The following IFNLR1 variants were observed in gnomAD, a reference collection of about 807,000 sequenced individuals.
IFNLR1 encodes interferon lambda receptor 1, also known as CRF2-12.
IFNLR1 carries 28 observed loss-of-function variants against 52.5 expected under a neutral mutation model. That is an observed-to-expected ratio of 0.53 (90% CI 0.40 to 0.73). The LOEUF is 0.73. IFNLR1 is among the 30% of genes least tolerant of loss of function. IFNLR1 has a pLI of 0.00. For synonymous variants in IFNLR1, 276 were observed against 274.9 expected, an observed-to-expected ratio of 1.00 and a Z score of -0.04; for missense variants, 623 against 659.1, an observed-to-expected ratio of 0.95 and a Z score of 0.60.
At chr1:24,185,865 C>T (rs1644732295) in intron 1 of IFNLR1, among the ~76,000 whole-genome samples, 1 of 152,192 alleles carries the variant, frequency 6.6e-6, no homozygotes, top group Non-Finnish European at 1.5e-5. Context: ...ACCCTTGGGA[C>T]AGACCACCCT....
At chr1:24,159,910 A>C (rs1644425257) in intron 4 of IFNLR1, among the ~76,000 whole-genome samples, 1 of 151,952 alleles carries the variant, frequency 6.6e-6, no homozygotes, top group African/African-American at 2.4e-5. Context: ...ATACCTGGGT[A>C]ATTTTTTAAA....
rs1258748553 is a variant in IFNLR1, at chr1:24,157,599, AC to A, written c.1093del (p.Val365TrpfsTer108). ...AGGAGCCCTGGGCCTCCCTGAGTCC[AC>A]CCCACCAGCCTCCGAGTGCCCTGGA... The part of the protein sequence containing the change: ...QAPGHSEAGG[V>X]DSGRPRAPLV... On this transcript the variant is annotated frameshift_variant, in exon 7 of 7. Transcript: ENST00000327535. LOFTEE classifies it high-confidence loss of function. This position sits in a 1 kb window ranked among gnomAD's most constrained non-coding sequence, Gnocchi z 5.1. The A allele has an allele frequency of 6.2e-7, 1 of 1,610,356 alleles. No homozygotes were observed. The highest frequency in any genetic ancestry group is 8.5e-7 in the Non-Finnish European group (1 of 1,178,404).
chr1:24,165,435 C>T (rs753302712), intron 3 of IFNLR1, among the ~76,000 whole-genome samples: 42 of 152,170 alleles, frequency 2.8e-4, no homozygotes, highest in Non-Finnish European at 5.1e-4. Flanking sequence ...TTGAGGTATT[C>T]TTGGAGGGGA....
At chr1:24,163,854 C>T (rs1416982868) in intron 3 of IFNLR1, among the ~76,000 whole-genome samples, 1 of 152,156 alleles carries the variant, frequency 6.6e-6, no homozygotes, top group Admixed American at 6.5e-5. Context: ...GCTGGGATTA[C>T]AGGTGTGGGC....
intron 4 of IFNLR1, 24 bp from the exon 5 acceptor site, chr1:24,159,657 T>C: frequency 6.2e-7 from 1 of 1,608,150 alleles, no homozygotes; most frequent in East Asian, 2.2e-5. Context: ...AAGCAGAGAG[T>C]GGCAGAGCTG....
At chr1:24,164,268 G>A (rs902027794) in intron 3 of IFNLR1, among the ~76,000 whole-genome samples, 6 of 152,172 alleles carry the variant, frequency 3.9e-5, no homozygotes, top group Non-Finnish European at 8.8e-5. Context: ...TTGAGCTTCT[G>A]GTTTCACCGT....
At chr1:24,165,884 G>A (rs1029419465) in intron 3 of IFNLR1, among the ~76,000 whole-genome samples, 5 of 152,150 alleles carry the variant, frequency 3.3e-5, no homozygotes, top group Non-Finnish European at 7.3e-5. Flanking sequence ...TGGGGTAAAT[G>A]AAATATGCAA....
chr1:24,157,626 G>A lies in IFNLR1; in HGVS notation c.1067C>T (p.Ala356Val), dbSNP rs1229907867. The A allele has an allele frequency of 2.5e-6, 4 of 1,607,716 alleles. No homozygotes were observed. The highest frequency in any genetic ancestry group is 1.7e-5 in the Admixed American group (1 of 59,218). The change falls in exon 7 of 7, where the codon GCT becomes GTT. Residue 356 changes from alanine (A) to valine (V), a missense_variant. Physicochemically the swap from Ala to Val is moderately conservative, Grantham distance 64. Coordinates refer to ENST00000327535, the MANE Select transcript of IFNLR1 (RefSeq NM_170743.4). This position sits in a 1 kb window ranked among gnomAD's most constrained non-coding sequence, Gnocchi z 5.1. ...CCCACCAGCCTCCGAGTGCCCTGGA[G>A]CCTGGTGCTCTTGCCCCAGGAAAGA... ...PPSFLGQEHQ[A>V]PGHSEAGGVD... is the part of the protein sequence containing the mutation.
intron 2 of IFNLR1, among the ~76,000 whole-genome samples, chr1:24,180,133 T>A (rs1644673858): frequency 6.6e-6 from 1 of 151,816 alleles, no homozygotes; most frequent in Non-Finnish European, 1.5e-5. Context: ...CTCGTCTGTA[T>A]TAAAAATACA....
At position 24,180,613 on chromosome 1, in the gene IFNLR1, G is replaced by A. The variant is rs1417259303; in HGVS notation, c.182+118C>T. On this transcript the variant is annotated intron_variant, in intron 2 of 6. Transcript: ENST00000327535. Reference sequence around the variant, plus strand: ...TGCCGGCCACATGCCATCTCCCGTAGGGCCCAGAGAGCTAGCCAGTGCTGC... The same window carrying A: ...TGCCGGCCACATGCCATCTCCCGTAAGGCCCAGAGAGCTAGCCAGTGCTGC... The A allele has an allele frequency of 6.2e-6, 6 of 971,024 alleles. No homozygotes were observed. The African/African-American group carries it at 8.2e-5, about 13-fold the overall frequency. The allele number at this position is 971,024 out of a possible 1,614,324, so 60.2% of individuals were successfully genotyped here. A position where few individuals can be genotyped will look rare whatever the true frequency, so the allele number is the denominator to read the frequency against.
In IFNLR1 at chr1:24,164,751, A is replaced by G. The variant is rs201808896; in HGVS notation, c.368-3067T>C. Among the ~76,000 whole-genome samples, 80 of 145,536 alleles carry G rather than the reference A, an allele frequency of 5.5e-4. 2 individuals carry two copies. The East Asian group carries it at 0.016, about 29-fold the overall frequency. On this transcript the variant is annotated intron_variant, in intron 3 of 6. Coordinates refer to ENST00000327535, the MANE Select transcript of IFNLR1 (RefSeq NM_170743.4). Reference sequence around the variant, plus strand: ...TGTTTCTCTATGTCACACTTTTGGGAGCAATCTCTTTTTTTTTTTTTTTTT... The same window carrying G: ...TGTTTCTCTATGTCACACTTTTGGGGGCAATCTCTTTTTTTTTTTTTTTTT...
At chr1:24,162,819 C>T (rs959725038) in intron 3 of IFNLR1, among the ~76,000 whole-genome samples, 1 of 43,988 alleles carries the variant, frequency 2.3e-5, no homozygotes, top group African/African-American at 8.2e-5. Flanking sequence ...TTCTTTTTTT[C>T]TTCTTTCTTT....
rs1304786872 is a variant in IFNLR1, at chr1:24,155,858, A to G, written c.*1272T>C. 1 of 152,216 alleles carries G rather than the reference A, an allele frequency of 6.6e-6. No individual in the cohort carries two copies. The highest frequency in any genetic ancestry group is 1.5e-5 in the Non-Finnish European group (1 of 68,050). 9.4% of individuals were successfully genotyped at this position (152,216 alleles called of 1,614,324 possible). ...GGTGAAAACTCAGCTACGCTCATCT[A>G]TATTCAGGTGGGTGTAGGTTAACTG... On this transcript the variant is annotated 3_prime_UTR_variant, in exon 7 of 7. Coordinates refer to ENST00000327535, the MANE Select transcript of IFNLR1 (RefSeq NM_170743.4).
chr1:24,180,564 C>T (rs1243513259), intron 2 of IFNLR1, among the ~76,000 whole-genome samples, 167 bp downstream of exon 2: 1 of 152,160 alleles, frequency 6.6e-6, no homozygotes, highest in Non-Finnish European at 1.5e-5. Context: ...ACCTCCAGAC[C>T]TTTATCAAAA....
rs1439239324 is a variant in IFNLR1, at chr1:24,156,278, T to C, written c.*852A>G. The C allele has an allele frequency of 6.6e-6, 1 of 152,296 alleles. No individual in the cohort carries two copies. The highest frequency in any genetic ancestry group is 1.5e-5 in the Non-Finnish European group (1 of 68,142). 9.4% of individuals were successfully genotyped at this position (152,296 alleles called of 1,614,324 possible). A position where few individuals can be genotyped will look rare whatever the true frequency, so the allele number is the denominator to read the frequency against. On this transcript the variant is annotated 3_prime_UTR_variant, in exon 7 of 7. Coordinates refer to ENST00000327535, the MANE Select transcript of IFNLR1 (RefSeq NM_170743.4). ...GAATGTTAAGTGCTCTCAGTCACTC[T>C]GGGTTTAGGGGCCACAGGTGGGAGA...
chr1:24,171,129 C>T (rs1000080231), intron 2 of IFNLR1, among the ~76,000 whole-genome samples: 14 of 152,152 alleles, frequency 9.2e-5, no homozygotes, highest in Admixed American at 2.0e-4. Flanking sequence ...TTATGTGTGC[C>T]TACTAAACAA....
At chr1:24,159,029 G>A (rs534174526) in intron 6 of IFNLR1, 23 bp downstream of exon 6, 9 of 1,608,958 alleles carry the variant, frequency 5.6e-6, no homozygotes, top group Middle Eastern at 1.7e-4. Context: ...CCCACCTGCT[G>A]CACACCCCCA....
At chr1:24,178,998 T>G (rs1163622732) in intron 2 of IFNLR1, among the ~76,000 whole-genome samples, 2 of 152,120 alleles carry the variant, frequency 1.3e-5, no homozygotes, top group African/African-American at 4.8e-5. Flanking sequence ...TGGAGTGCAG[T>G]GGTGTGATCT....
chr1:24,159,300 T>G, intron 5 of IFNLR1, 118 bp from the exon 6 acceptor site: 1 of 1,359,498 alleles, frequency 7.4e-7, no homozygotes, highest in Non-Finnish European at 1.0e-6. Flanking sequence ...AAACCCATCC[T>G]GCAGACTGTG....
Sources: gnomAD v4.1 joint callset for allele counts (sites outside exome capture counted in the v4.1 genomes callset) on GRCh38, gnomAD v4.1.1 for gene constraint, Gnocchi (gnomAD v3.1) non-coding constraint, MANE v1.5 for transcripts, NCBI Gene and HGNC (gene_info 2026-07-23, HGNC 2026-07-21) for gene names.